DPH6: variants seen among roughly 807,000 people sequenced by gnomAD.
DPH6 encodes the protein diphthamine biosynthesis 6, also known as diphthine--ammonia ligase.
A neutral mutation model predicts 38.2 loss-of-function variants in DPH6; 33 were observed. That is an observed-to-expected ratio of 0.86 (90% confidence interval 0.65 to 1.15). The LOEUF is 1.15. DPH6 is among the 50% of genes most tolerant of loss of function. The pLI is 0.00. For synonymous variants in DPH6, 108 were observed against 103.0 expected, an observed-to-expected ratio of 1.05 and a Z score of -0.30; for missense variants, 325 against 320.0, an observed-to-expected ratio of 1.02 and a Z score of -0.12.
chr15:35,508,337 C>T (rs2054723449), intron 3 of DPH6, among the ~76,000 whole-genome samples: 1 of 152,080 alleles, frequency 6.6e-6, no homozygotes, highest in African/African-American at 2.4e-5. Context: ...GCATAATAAA[C>T]ATATCTATGC....
downstream of DPH6, among the ~76,000 whole-genome samples, chr15:35,368,075 T>C (rs887523925): frequency 6.6e-6 from 1 of 151,972 alleles, no homozygotes; most frequent in Admixed American, 6.6e-5. Flanking sequence ...GAATAAGTCC[T>C]TAAACAACTA....
In DPH6 at chr15:35,538,301, A is replaced by T; in HGVS notation, c.285T>A (p.Asp95Glu). 1 of 1,583,416 alleles carries T rather than the reference A, an allele frequency of 6.3e-7. No individual in the cohort carries two copies. The highest frequency in any genetic ancestry group is 8.6e-7 in the Non-Finnish European group (1 of 1,156,482). The change falls in exon 3 of 9, where the codon GAT becomes GAA. Residue 95 changes from aspartate (D) to glutamate (E), a missense_variant. By Grantham distance (45) the Asp-to-Glu change is conservative. Transcript: ENST00000256538. Reference protein sequence around the residue: ...YTKCEGDEVEDLYELLKLVKE... With the variant: ...YTKCEGDEVEELYELLKLVKE... Reference sequence around the variant, plus strand: ...TAACAAGTTTCAAAAGCTCATAGAGATCTTCAACCTCATCACCTTCACATT... The same window carrying T: ...TAACAAGTTTCAAAAGCTCATAGAGTTCTTCAACCTCATCACCTTCACATT...
Position 35,268,877 on chromosome 15 carries a change from A to G in DPH6, n.201-48295T>C, listed in dbSNP as rs557182559. ...GCTGGCAAGGTAGGAAGAGGGCAGG[A>G]AAGACCATTAGGCAGAGGAGAATCA... On this transcript the variant is annotated intron_variant and non_coding_transcript_variant, in intron 3 of 3. Transcript: ENST00000560386. Among the ~76,000 whole-genome samples the G allele has an allele frequency of 4.6e-5, 7 of 152,322 alleles. No homozygotes were observed. The South Asian group carries it at 1.5e-3, about 32-fold the overall frequency.
At chr15:35,437,978 G>A (rs1013413572) in intron 5 of DPH6, among the ~76,000 whole-genome samples, 1 of 152,130 alleles carries the variant, frequency 6.6e-6, no homozygotes, top group East Asian at 1.9e-4. Context: ...TCCTTCCTCT[G>A]AGTCCCTGGG....
intron 3 of DPH6, among the ~76,000 whole-genome samples, chr15:35,316,498 AAATAG>A (rs2052189747): frequency 6.6e-6 from 1 of 152,192 alleles, no homozygotes; most frequent in African/African-American, 2.4e-5. Context: ...TAAATAGGTT[AAATAG>A]AATACTGGAA....
rs1454158243 is a variant in DPH6 at position 35,483,179 on chromosome 15, A to G, written c.313-28359T>C. ...TCAGGAAATGGAAATTAAAACCACAATGAGGCTTGGGTGCGGTGGTTCATG... is the reference window on the plus strand; with the variant it reads ...TCAGGAAATGGAAATTAAAACCACAGTGAGGCTTGGGTGCGGTGGTTCATG... On this transcript the variant is annotated intron_variant, in intron 3 of 8. Coordinates refer to ENST00000256538, the MANE Select transcript of DPH6 (RefSeq NM_080650.4). Among the ~76,000 whole-genome samples the G allele has an allele frequency of 3.3e-5, 5 of 151,978 alleles. No homozygotes were observed. In the East Asian group the frequency reaches 9.7e-4, roughly 29 times the overall value.
chr15:35,253,621 T>C (rs1295737919), intron 3 of DPH6, among the ~76,000 whole-genome samples: 1 of 152,214 alleles, frequency 6.6e-6, no homozygotes, highest in East Asian at 1.9e-4. Context: ...CACTTAAAAA[T>C]ATTCCCACAT....
At chr15:35,339,135 A>G (rs981599869) in intron 3 of DPH6, among the ~76,000 whole-genome samples, 1 of 152,052 alleles carries the variant, frequency 6.6e-6, no homozygotes, top group African/African-American at 2.4e-5. Flanking sequence ...ATACATATGT[A>G]ACAAACCTGC....
chr15:35,278,054 T>C (rs1240731506), intron 3 of DPH6, among the ~76,000 whole-genome samples: 1 of 152,138 alleles, frequency 6.6e-6, no homozygotes. Context: ...GAGACTAGCA[T>C]GACTAAAAGG....
At chr15:35,482,944 T>C (rs2054346202) in intron 3 of DPH6, among the ~76,000 whole-genome samples, 1 of 151,962 alleles carries the variant, frequency 6.6e-6, no homozygotes, top group Admixed American at 6.6e-5. Flanking sequence ...TAAAATGCTT[T>C]TTTACACAGG....
the DPH6 span, among the ~76,000 whole-genome samples, chr15:35,211,173 G>T: frequency 1.3e-5 from 2 of 152,012 alleles, no homozygotes; most frequent in South Asian, 4.2e-4. Flanking sequence ...GTAAACACAT[G>T]AACTATTTAG....
At chr15:35,159,595 C>T in the DPH6 span, among the ~76,000 whole-genome samples, 5 of 151,864 alleles carry the variant, frequency 3.3e-5, no homozygotes, top group South Asian at 2.1e-4. Context: ...AAAGGAAACA[C>T]GTATACACTG....
rs145033557 is a variant in DPH6 at position 35,485,819 on chromosome 15, G to A, written c.313-30999C>T. On this transcript the variant is annotated intron_variant, in intron 3 of 8. Coordinates refer to ENST00000256538, the MANE Select transcript of DPH6 (RefSeq NM_080650.4). ...GATATTTGGATTATGGTGATATGATGAGTATGCGGTAAACTCAAAGCTCAC... is the reference window on the plus strand; with the variant it reads ...GATATTTGGATTATGGTGATATGATAAGTATGCGGTAAACTCAAAGCTCAC... 6.7e-3 allele frequency among the ~76,000 whole-genome samples: 1,014 copies of A among 152,310 alleles called. 7 individuals carry two copies. The highest frequency in any genetic ancestry group is 0.01 in the Middle Eastern group (3 of 294).
At chr15:35,257,569 T>G (rs928155233) in intron 3 of DPH6, among the ~76,000 whole-genome samples, 1 of 152,104 alleles carries the variant, frequency 6.6e-6, no homozygotes, top group Non-Finnish European at 1.5e-5. Context: ...ACTTGAAGGG[T>G]TACATGTAAC....
intron 5 of DPH6, among the ~76,000 whole-genome samples, chr15:35,436,188 T>C (rs759811118): frequency 5.3e-5 from 8 of 152,022 alleles, no homozygotes; most frequent in Non-Finnish European, 5.9e-5. Context: ...TCTTTCCTGC[T>C]GGGCGCGGTG....
At chr15:35,453,434 A>G (rs1445630733) in intron 4 of DPH6, among the ~76,000 whole-genome samples, 1 of 152,180 alleles carries the variant, frequency 6.6e-6, no homozygotes, top group African/African-American at 2.4e-5. Context: ...AAAAAACACT[A>G]ATTTTTAAAC....
downstream of DPH6, among the ~76,000 whole-genome samples, chr15:35,327,970 T>C (rs1355248992): frequency 6.6e-6 from 1 of 152,202 alleles, no homozygotes; most frequent in South Asian, 2.1e-4. Flanking sequence ...CCTCCAGCTA[T>C]AACAGCATAA....
At chr15:35,356,241 G>T (rs2052559072) in intron 3 of DPH6, among the ~76,000 whole-genome samples, 1 of 152,166 alleles carries the variant, frequency 6.6e-6, no homozygotes, top group African/African-American at 2.4e-5. Flanking sequence ...TCCTCCCTTA[G>T]CTCAGAGTAG....
the DPH6 span, among the ~76,000 whole-genome samples, chr15:35,189,899 A>G: frequency 6.6e-6 from 1 of 152,204 alleles, no homozygotes; most frequent in African/African-American, 2.4e-5. Context: ...GGAAGCAGAC[A>G]TTGTCTTGTA....
Sources: allele counts gnomAD v4.1 joint callset (sites outside exome capture counted in the v4.1 genomes callset), GRCh38; gene constraint gnomAD v4.1.1; transcripts MANE v1.5; gene names NCBI Gene and HGNC (gene_info 2026-07-23, HGNC 2026-07-21).